Variants in DLG2 observed in about 807,000 individuals in gnomAD.
DLG2 encodes disks large homolog 2.
DLG2 carries 45 observed loss-of-function variants against 132.5 expected under a neutral mutation model. That is an observed-to-expected ratio of 0.34 (90% confidence interval 0.27 to 0.44). The LOEUF (loss-of-function observed/expected upper bound fraction) is 0.44, where lower values mean the gene tolerates loss of function less well. Ranked by LOEUF, DLG2 falls within the 20% of genes least tolerant of loss-of-function variation. DLG2 has a pLI of 1.00. For missense variants in DLG2, 1,045 were observed against 1,196.9 expected, an observed-to-expected ratio of 0.87 and a Z score of 1.87; for synonymous variants, 424 against 419.6, an observed-to-expected ratio of 1.01 and a Z score of -0.13.
intron 6 of DLG2, among the ~76,000 whole-genome samples, chr11:84,954,374 G>A (rs1015322761): frequency 6.7e-5 from 10 of 150,228 alleles, no homozygotes; most frequent in Middle Eastern, 3.5e-3. Flanking sequence ...AAACCCTCAC[G>A]TCGACATTAA....
intron 19 of DLG2, among the ~76,000 whole-genome samples, chr11:83,552,265 C>T (rs2436156): frequency 0.72 from 108,955 of 151,990 alleles, 39,665 homozygotes; most frequent in African/African-American, 0.85. Flanking sequence ...GCTGCATTTT[C>T]AAATGGGGTG....
intron 7 of DLG2, among the ~76,000 whole-genome samples, chr11:84,505,745 C>T (rs994015700): frequency 2.6e-5 from 4 of 152,006 alleles, no homozygotes; most frequent in African/African-American, 9.7e-5. Context: ...CTTCATACAC[C>T]TTAGAATACA....
intron 3 of DLG2, among the ~76,000 whole-genome samples, chr11:85,583,379 G>A (rs537680677): frequency 1.1e-4 from 17 of 149,956 alleles, no homozygotes; most frequent in African/African-American, 3.2e-4. Context: ...TTGAGACAGG[G>A]TCTCACAATG....
chr11:84,385,359 C>T (rs903249932), intron 7 of DLG2, among the ~76,000 whole-genome samples: 7 of 152,118 alleles, frequency 4.6e-5, no homozygotes, highest in Admixed American at 6.6e-5. Context: ...TGTTCTCATG[C>T]TTTGACCTCA....
At chr11:83,726,383 T>C (rs1201089810) in intron 18 of DLG2, among the ~76,000 whole-genome samples, 1 of 152,220 alleles carries the variant, frequency 6.6e-6, no homozygotes, top group Non-Finnish European at 1.5e-5. Flanking sequence ...CTTGGGATTG[T>C]ATTTTTCTAT....
intron 3 of DLG2, among the ~76,000 whole-genome samples, chr11:85,305,523 A>G (rs372716872): frequency 2.6e-5 from 4 of 151,796 alleles, no homozygotes; most frequent in African/African-American, 7.3e-5. Context: ...TTATTTATTT[A>G]TTTTTTTGAG....
At chr11:85,353,952 C>G (rs1488427441) in intron 3 of DLG2, among the ~76,000 whole-genome samples, 1 of 150,784 alleles carries the variant, frequency 6.6e-6, no homozygotes, top group East Asian at 1.9e-4. Context: ...CAAATCTGCA[C>G]GTCGTGCACA....
At chr11:84,480,956 C>G (rs943677253) in intron 7 of DLG2, among the ~76,000 whole-genome samples, 1 of 152,002 alleles carries the variant, frequency 6.6e-6, no homozygotes, top group African/African-American at 2.4e-5. Context: ...CCAGGCTGAT[C>G]TGGAACTCCT....
chr11:83,753,144 C>A (rs763935579), intron 18 of DLG2, among the ~76,000 whole-genome samples: 1 of 152,128 alleles, frequency 6.6e-6, no homozygotes, highest in Non-Finnish European at 1.5e-5. Flanking sequence ...ATCTCATGGC[C>A]GGGCGTGGTG....
chr11:84,814,712 A>G (rs2076924692), intron 6 of DLG2, among the ~76,000 whole-genome samples: 1 of 152,016 alleles, frequency 6.6e-6, no homozygotes, highest in African/African-American at 2.4e-5. Context: ...CACCTCCTGC[A>G]TTTGTCTAGC....
intron 4 of DLG2, among the ~76,000 whole-genome samples, chr11:85,200,771 C>T (rs527352983): frequency 1.3e-5 from 2 of 152,214 alleles, no homozygotes; most frequent in Admixed American, 1.3e-4. Flanking sequence ...TTCCTTCCCA[C>T]AGCAGATCCC....
chr11:85,215,277 C>A (rs568934407), intron 4 of DLG2, among the ~76,000 whole-genome samples: 18 of 152,172 alleles, frequency 1.2e-4, no homozygotes, highest in African/African-American at 4.1e-4. Flanking sequence ...ATTATGGGTG[C>A]TTACTAATTT....
chr11:85,571,780 C>A (rs2077856834), intron 3 of DLG2, among the ~76,000 whole-genome samples: 1 of 152,148 alleles, frequency 6.6e-6, no homozygotes, highest in Non-Finnish European at 1.5e-5. Context: ...ATGAAAGCAA[C>A]TAAAATATTT....
intron 6 of DLG2, among the ~76,000 whole-genome samples, chr11:84,651,796 T>C (rs2099682369): frequency 6.6e-6 from 1 of 152,190 alleles, no homozygotes; most frequent in South Asian, 2.1e-4. Flanking sequence ...TTTGCTTCCA[T>C]AACACCAGTA....
chr11:84,648,733 T>TTCTC (rs1204787658), intron 6 of DLG2, among the ~76,000 whole-genome samples: 1 of 151,252 alleles, frequency 6.6e-6, no homozygotes, highest in Non-Finnish European at 1.5e-5. Flanking sequence ...CACTCTGGCT[T>TTCTC]TCTCTCTCTC....
chr11:84,095,184 C>G (rs1345464033), intron 10 of DLG2, among the ~76,000 whole-genome samples: 1 of 151,790 alleles, frequency 6.6e-6, no homozygotes, highest in African/African-American at 2.4e-5. Flanking sequence ...AGAAAAGGAA[C>G]AGAGGCAAGA....
At chr11:83,860,965 C>T (rs1441456905) in intron 16 of DLG2, among the ~76,000 whole-genome samples, 2 of 152,198 alleles carry the variant, frequency 1.3e-5, no homozygotes, top group African/African-American at 4.8e-5. Flanking sequence ...TGACTTGCTA[C>T]TCCTTGCCTT....
chr11:83,604,287 T>C (rs548291565), intron 19 of DLG2, among the ~76,000 whole-genome samples: 2 of 152,330 alleles, frequency 1.3e-5, no homozygotes, highest in African/African-American at 4.8e-5. Context: ...TTCCACCTAT[T>C]TCAAGTGTGT....
chr11:85,318,269 C>T (rs948697838), intron 3 of DLG2, among the ~76,000 whole-genome samples: 8 of 151,830 alleles, frequency 5.3e-5, no homozygotes, highest in African/African-American at 1.9e-4. Context: ...GGACTTCTGG[C>T]AAAGTAAAAG....
Sources: gnomAD v4.1 joint callset for allele counts (sites outside exome capture counted in the v4.1 genomes callset) on GRCh38, gnomAD v4.1.1 for gene constraint, MANE v1.5 for transcripts, NCBI Gene and HGNC (gene_info 2026-07-23, HGNC 2026-07-21) for gene names.